The following COG5 variants were observed in gnomAD, a reference collection of about 807,000 sequenced individuals.
The protein encoded by COG5 is conserved oligomeric Golgi complex subunit 5.
A neutral mutation model predicts 110.4 loss-of-function variants in COG5; 86 were observed. The ratio of observed to expected loss-of-function variants is 0.78; its 90% confidence interval spans 0.65 to 0.93. The LOEUF is 0.93. Among genes scored for constraint, COG5 ranks in the 40% least tolerant of loss-of-function variants. The probability of loss-of-function intolerance (pLI) is 0.00; values close to 1 mark genes in which losing one functional copy is unlikely to be tolerated. For synonymous variants in COG5, 360 were observed against 334.6 expected (o/e 1.08, Z -0.83); for missense variants, 1,077 against 987.0 (o/e 1.09, Z -1.22).
At chr7:107,242,432 A>C (rs1425380024) in intron 17 of COG5, among the ~76,000 whole-genome samples, 38 of 152,206 alleles carry the variant, frequency 2.5e-4, no homozygotes, top group Admixed American at 2.5e-3. Flanking sequence ...CCAGACTGTT[A>C]CATGGGTACC....
chr7:107,415,137 T>C (rs923543604), intron 6 of COG5, among the ~76,000 whole-genome samples: 1 of 152,184 alleles, frequency 6.6e-6, no homozygotes, highest in Non-Finnish European at 1.5e-5. Flanking sequence ...TTCACCACAA[T>C]GTTAGCACTA....
intron 15 of COG5, among the ~76,000 whole-genome samples, chr7:107,257,673 T>C (rs1436450308): frequency 6.6e-6 from 1 of 152,134 alleles, no homozygotes; most frequent in Non-Finnish European, 1.5e-5. Context: ...CTTGAAAGTG[T>C]TGCTTTTTTA....
At chr7:107,518,558 A>T (rs965360454) in intron 6 of COG5, among the ~76,000 whole-genome samples, 6 of 152,190 alleles carry the variant, frequency 3.9e-5, no homozygotes, top group Admixed American at 3.3e-4. Flanking sequence ...CAAAAAAGAC[A>T]AAGAAGGTCA....
intron 10 of COG5, among the ~76,000 whole-genome samples, chr7:107,344,848 A>G (rs1323547033): frequency 6.6e-6 from 1 of 152,120 alleles, no homozygotes; most frequent in African/African-American, 2.4e-5. Context: ...CTTATCGTTC[A>G]TGTATTCACT....
chr7:107,457,215 CT>C (rs1373554781), intron 6 of COG5, among the ~76,000 whole-genome samples: 1 of 86,714 alleles, frequency 1.2e-5, no homozygotes, highest in Non-Finnish European at 2.0e-5. Flanking sequence ...TCAAATAAAA[CT>C]TTCCAGGCTG....
chr7:107,424,260 GA>G (rs1167470038), intron 6 of COG5, among the ~76,000 whole-genome samples: 1 of 152,026 alleles, frequency 6.6e-6, no homozygotes, highest in Non-Finnish European at 1.5e-5. Context: ...GCAACAGAGC[GA>G]GAGTCTGTCT....
chr7:107,507,102 G>C (rs774250582), intron 6 of COG5, among the ~76,000 whole-genome samples: 1 of 152,130 alleles, frequency 6.6e-6, no homozygotes, highest in Admixed American at 6.5e-5. Flanking sequence ...GGGTTGGATT[G>C]TCAGGTTCCC....
intron 14 of COG5, among the ~76,000 whole-genome samples, chr7:107,264,252 A>G (rs1803609452): frequency 2.0e-5 from 3 of 152,104 alleles, no homozygotes; most frequent in Non-Finnish European, 4.4e-5. Context: ...CATAAAATCT[A>G]TTAGCAATTC....
chr7:107,251,797 T>A (rs1802527522), intron 16 of COG5, among the ~76,000 whole-genome samples: 1 of 151,826 alleles, frequency 6.6e-6, no homozygotes. Flanking sequence ...TCTTAAAAAA[T>A]AGCAAAGAAA....
intron 6 of COG5, among the ~76,000 whole-genome samples, chr7:107,415,325 T>C (rs1037494002): frequency 6.6e-6 from 1 of 152,004 alleles, no homozygotes; most frequent in African/African-American, 2.4e-5. Context: ...TGGAGGCAAA[T>C]ACTAAAATAA....
At chr7:107,211,824 T>C (rs1182719603) in intron 19 of COG5, among the ~76,000 whole-genome samples, 1 of 152,224 alleles carries the variant, frequency 6.6e-6, no homozygotes, top group Non-Finnish European at 1.5e-5. Flanking sequence ...GGCAAATCCA[T>C]TCCACTACAA....
chr7:107,243,251 C>T (rs541008451), intron 17 of COG5, among the ~76,000 whole-genome samples: 16 of 152,238 alleles, frequency 1.1e-4, no homozygotes, highest in East Asian at 3.9e-4. Context: ...CGGTGGCTCA[C>T]GCCTGTAGTC....
At chr7:107,415,963 TACACACAC>T (rs549299486) in intron 6 of COG5, among the ~76,000 whole-genome samples, 3 of 93,182 alleles carry the variant, frequency 3.2e-5, no homozygotes, top group Admixed American at 3.2e-4. Flanking sequence ...TGTGTGTATA[TACACACAC>T]ATACACGTAT....
At chr7:107,226,031 G>A (rs953137484) in intron 19 of COG5, among the ~76,000 whole-genome samples, 8 of 151,886 alleles carry the variant, frequency 5.3e-5, no homozygotes, top group African/African-American at 1.5e-4. Context: ...GGACAAAAGC[G>A]AGACATCATC....
At chr7:107,249,599 T>C (rs934429069) in intron 16 of COG5, among the ~76,000 whole-genome samples, 2 of 151,838 alleles carry the variant, frequency 1.3e-5, no homozygotes, top group Non-Finnish European at 2.9e-5. Context: ...TCAAAATCAA[T>C]GAGCAAAGGT....
intron 7 of COG5, among the ~76,000 whole-genome samples, chr7:107,398,012 TA>T (rs2129059392): frequency 6.6e-6 from 1 of 152,202 alleles, no homozygotes; most frequent in African/African-American, 2.4e-5. Flanking sequence ...ACATAAAAAT[TA>T]AAATGTAAAA....
intron 11 of COG5, among the ~76,000 whole-genome samples, chr7:107,312,161 G>A (rs1808326919): frequency 6.7e-6 from 1 of 148,440 alleles, no homozygotes; most frequent in Non-Finnish European, 1.5e-5. Context: ...TCATATTTGG[G>A]TCTCCTTTAG....
chr7:107,403,162 A>T (rs1791561770), intron 7 of COG5, among the ~76,000 whole-genome samples: 1 of 152,268 alleles, frequency 6.6e-6, no homozygotes, highest in Admixed American at 6.5e-5. Flanking sequence ...TGCTAAAAAA[A>T]GAAATTACAC....
At chr7:107,371,400 G>C (rs990441945) in intron 8 of COG5, among the ~76,000 whole-genome samples, 1 of 151,428 alleles carries the variant, frequency 6.6e-6, no homozygotes, top group Non-Finnish European at 1.5e-5. Context: ...GACCAACTGG[G>C]GCAACATAGC....
Sources: gnomAD v4.1 joint callset for allele counts (sites outside exome capture counted in the v4.1 genomes callset) on GRCh38, gnomAD v4.1.1 for gene constraint, MANE v1.5 for transcripts, NCBI Gene and HGNC (gene_info 2026-07-23, HGNC 2026-07-21) for gene names.